The following ARID1B variants were observed in gnomAD, a reference collection of about 807,000 sequenced individuals.
The protein encoded by ARID1B is AT-rich interactive domain-containing protein 1B.
Under a neutral mutation model 212.3 loss-of-function variants are expected in ARID1B, and 30 were observed. The observed-to-expected ratio is 0.14, with a 90% CI of 0.11 to 0.19. The LOEUF is 0.19. Among genes scored for constraint, ARID1B ranks in the 10% least tolerant of loss-of-function variants. The pLI is 1.00. For synonymous variants in ARID1B, 1,402 were observed against 1,301.7 expected (o/e 1.08, Z -1.66); for missense variants, 2,891 against 3,204.0 (o/e 0.90, Z 2.36).
intron 2 of ARID1B, among the ~76,000 whole-genome samples, chr6:156,852,040 T>G (rs2128108507): frequency 6.6e-6 from 1 of 152,358 alleles, no homozygotes; most frequent in South Asian, 2.1e-4. Context: ...TATATTTCTA[T>G]TCTTTACCTC....
At chr6:156,931,379 C>T (rs141394329) in intron 3 of ARID1B, among the ~76,000 whole-genome samples, 3 of 152,278 alleles carry the variant, frequency 2.0e-5, no homozygotes, top group Admixed American at 2.0e-4. Context: ...GGCCTTTCTA[C>T]TAGGCCCTTG....
At chr6:156,905,757 T>A (rs1771220694) in intron 3 of ARID1B, among the ~76,000 whole-genome samples, 1 of 152,228 alleles carries the variant, frequency 6.6e-6, no homozygotes, top group Non-Finnish European at 1.5e-5. Flanking sequence ...TCCTTCTTTT[T>A]CAGTTGTTGG....
At chr6:157,010,296 T>G (rs75489726) in intron 4 of ARID1B, among the ~76,000 whole-genome samples, 38,216 of 138,310 alleles carry the variant, frequency 0.28, 5,771 homozygotes, top group Non-Finnish European at 0.31. Context: ...TTTTTTTTTT[T>G]TTTTTTTTGT....
chr6:157,126,662 T>C (rs554519783), intron 6 of ARID1B, among the ~76,000 whole-genome samples: 11 of 152,360 alleles, frequency 7.2e-5, no homozygotes, highest in Admixed American at 6.5e-4. Context: ...TTTTGTATCA[T>C]GTAGATAATA....
upstream of ARID1B, chr6:156,776,415 ATAATAT>A (rs2114941121): frequency 6.6e-6 from 1 of 152,334 alleles, no homozygotes; most frequent in Non-Finnish European, 1.5e-5. Context: ...TATAATGTCT[ATAATAT>A]TTTAGTTTCG....
At chr6:156,972,125 A>T (rs1583055310) in intron 4 of ARID1B, among the ~76,000 whole-genome samples, 1 of 152,344 alleles carries the variant, frequency 6.6e-6, no homozygotes, top group Non-Finnish European at 1.5e-5. Context: ...AAAGGTTAAA[A>T]TAGTTCTTTT....
chr6:156,967,696 G>A (rs532748748), intron 4 of ARID1B, among the ~76,000 whole-genome samples: 4 of 152,072 alleles, frequency 2.6e-5, no homozygotes, highest in Non-Finnish European at 4.4e-5. Flanking sequence ...GAAAATTTAA[G>A]CTTTAGACTT....
At chr6:157,197,190 T>C (rs1793788591) in intron 16 of ARID1B, among the ~76,000 whole-genome samples, 1 of 152,242 alleles carries the variant, frequency 6.6e-6, no homozygotes, top group African/African-American at 2.4e-5. Flanking sequence ...AGCAAGGTTT[T>C]CATATAATAT....
At chr6:156,901,613 ATTATG>A in intron 3 of ARID1B, 88 bp downstream of exon 3, 1 of 1,452,692 alleles carries the variant, frequency 6.9e-7, no homozygotes, top group Non-Finnish European at 9.1e-7. Context: ...TTTATTAAAA[ATTATG>A]TTCTGGTGGA....
chr6:157,134,461 AG>A (rs1237684879), intron 7 of ARID1B, among the ~76,000 whole-genome samples: 2 of 152,240 alleles, frequency 1.3e-5, no homozygotes, highest in Admixed American at 1.3e-4. Context: ...GTCTGTATAG[AG>A]CCTCTCCTGC....
Position 157,005,372 on chromosome 6 carries a change from T to C in ARID1B, c.2247+69796T>C, listed in dbSNP as rs1226275722. On this transcript the variant is annotated intron_variant, in intron 4 of 19. Coordinates refer to ENST00000636930, the MANE Select transcript of ARID1B (RefSeq NM_001374828.1). ...GGTTTCACCATATTGGCCGGGCTGT[T>C]CTCGAACTCCTGACCTTGTGATCTG... 2.6e-5 allele frequency among the ~76,000 whole-genome samples: 4 copies of C among 152,304 alleles called. No individual in the cohort carries two copies. In the East Asian group the frequency reaches 7.7e-4, roughly 29 times the overall value.
chr6:157,145,759 T>C (rs991122427), intron 7 of ARID1B, among the ~76,000 whole-genome samples: 2 of 152,132 alleles, frequency 1.3e-5, no homozygotes, highest in African/African-American at 4.8e-5. Context: ...GCTCAGACCT[T>C]AGTCCTCCAG....
Position 157,190,320 on chromosome 6 carries a change from C to T in ARID1B, c.4231+110C>T, listed in dbSNP as rs1467387911. The T allele has an allele frequency of 7.7e-6, 10 of 1,303,346 alleles. No individual in the cohort carries two copies. The highest frequency in any genetic ancestry group is 1.5e-5 in the African/African-American group (1 of 67,502). The allele number at this position is 1,303,346 out of a possible 1,614,324, so 80.7% of individuals were successfully genotyped here. A position where few individuals can be genotyped will look rare whatever the true frequency, so the allele number is the denominator to read the frequency against. On this transcript the variant is annotated intron_variant, in intron 15 of 19. Coordinates refer to ENST00000636930, the MANE Select transcript of ARID1B (RefSeq NM_001374828.1). The surrounding 1 kb of genome is among the most constrained non-coding windows in gnomAD (Gnocchi z 4.6). ...GAACACCTCTGAGCCCATGCTGCAT[C>T]GGTGTGGGTCCCAGGTCCCCATCCT... is the stretch of plus-strand genomic sequence containing the variant.
intron 4 of ARID1B, among the ~76,000 whole-genome samples, chr6:156,958,063 C>G (rs554271604): frequency 1.3e-5 from 2 of 152,328 alleles, no homozygotes; most frequent in East Asian, 3.9e-4. Context: ...GTTCCAAGAT[C>G]TCTGATTCAT....
chr6:157,167,114 A>C lies in ARID1B; in HGVS notation c.3164A>C (p.Asn1055Thr), dbSNP rs550604212. 6 of 1,612,496 alleles carry C rather than the reference A, an allele frequency of 3.7e-6. No individual in the cohort carries two copies. Among genetic ancestry groups the C allele is most frequent in the Non-Finnish European group, 2.5e-6 (3 of 1,179,994 alleles). ...TCTCCCTACAGCCAGCCCATGAACA[A>C]CAGCTCTAGCCTGATGAACACGCAG... is the stretch of plus-strand genomic sequence containing the variant. ...SSSPYSQPMN[N>T]SSSLMNTQAP... is the part of the protein sequence containing the mutation. Residue 1055 changes from asparagine to threonine, a missense_variant, in exon 9 of 20, where the codon AAC becomes ACC. Asn to Thr is a moderately conservative substitution (Grantham distance 65). Around this residue, in one of 7 missense-constraint regions of ARID1B, gnomAD observed 1,643 missense variants for 1,544.0 expected, o/e 1.06. Coordinates refer to ENST00000636930, the MANE Select transcript of ARID1B (RefSeq NM_001374828.1).
intron 4 of ARID1B, among the ~76,000 whole-genome samples, chr6:156,995,416 T>C (rs1474088721): frequency 6.6e-6 from 1 of 152,236 alleles, no homozygotes; most frequent in African/African-American, 2.4e-5. Context: ...ACAGAGATTG[T>C]CTTGAATAAG....
chr6:157,146,240 A>G (rs1380565855), intron 7 of ARID1B, among the ~76,000 whole-genome samples: 2 of 152,212 alleles, frequency 1.3e-5, no homozygotes, highest in African/African-American at 2.4e-5. Context: ...GGCACCAACA[A>G]TTTTGATACT....
chr6:156,786,510 C>T (rs1375196970), intron 1 of ARID1B, among the ~76,000 whole-genome samples: 3 of 152,100 alleles, frequency 2.0e-5, no homozygotes, highest in Non-Finnish European at 4.4e-5. Flanking sequence ...TGGAATTGTA[C>T]TGGAATTGCT....
Position 157,173,773 on chromosome 6 carries a change from G to GTC in ARID1B, c.3236-233_3236-232dup, listed in dbSNP as rs1313799330. On this transcript the variant is annotated intron_variant, in intron 9 of 19. Coordinates refer to ENST00000636930, the MANE Select transcript of ARID1B (RefSeq NM_001374828.1). ...TATAAGTTGACCTTCATAGGTTTGGGTCTTAAGCACACAGAATGACTGCCC... is the reference window on the plus strand; with the variant it reads ...TATAAGTTGACCTTCATAGGTTTGGGTCTCTTAAGCACACAGAATGACTGCCC... 9 of 419,502 alleles carry GTC rather than the reference G, an allele frequency of 2.1e-5. No homozygotes were observed. In the East Asian group the frequency reaches 3.5e-4, roughly 16 times the overall value. 26.0% of individuals were successfully genotyped at this position (419,502 alleles called of 1,614,324 possible). A position where few individuals can be genotyped will look rare whatever the true frequency, so the allele number is the denominator to read the frequency against.
Sources: allele counts gnomAD v4.1 joint callset (sites outside exome capture counted in the v4.1 genomes callset), GRCh38; gene constraint gnomAD v4.1.1; regional missense constraint gnomAD v4.1.1; non-coding constraint Gnocchi (gnomAD v3.1); transcripts MANE v1.5; gene names NCBI Gene and HGNC (gene_info 2026-07-23, HGNC 2026-07-21).